The following GREB1L variants were observed in gnomAD, a reference collection of about 807,000 sequenced individuals.
GREB1L encodes the protein GREB1-like protein.
GREB1L carries 17 observed loss-of-function variants against 200.8 expected under a neutral mutation model. The observed-to-expected ratio is 0.08, with a 90% CI of 0.06 to 0.13. The LOEUF is 0.13. Among genes scored for constraint, GREB1L ranks in the 10% least tolerant of loss-of-function variants. The probability of loss-of-function intolerance (pLI) is 1.00; values close to 1 mark genes in which losing one functional copy is unlikely to be tolerated. For synonymous variants in GREB1L, 789 were observed against 893.0 expected, an observed-to-expected ratio of 0.88 and a Z score of 2.08; for missense variants, 1,657 against 2,367.7, an observed-to-expected ratio of 0.70 and a Z score of 6.23.
intron 7 of GREB1L, among the ~76,000 whole-genome samples, chr18:21,427,465 A>G (rs1391535767): frequency 1.1e-4 from 17 of 151,878 alleles, no homozygotes; most frequent in Admixed American, 1.1e-3. Context: ...TGATCATGCC[A>G]CTACACTCCA....
rs1421895682 is a variant in GREB1L at position 21,451,088 on chromosome 18, A to G, written c.1786A>G (p.Ser596Gly). The change falls in exon 13 of 33, where the codon AGT (serine) becomes GGT (glycine). Residue 596 changes from serine to glycine, a missense_variant. Ser to Gly is a moderately conservative substitution (Grantham distance 56). This residue lies in a region of GREB1L where 239 missense variants were observed against 421.8 expected (regional missense o/e 0.57). Coordinates refer to ENST00000424526, the MANE Select transcript of GREB1L (RefSeq NM_001142966.3). Reference protein sequence around the residue: ...LTTSEFLKEISYELITGKVSF... With the variant: ...LTTSEFLKEIGYELITGKVSF... ...CACAAGTGAGTTTTTGAAAGAAATT[A>G]GTTATGAGCTTATCACAGGAAAGGT... The G allele has an allele frequency of 6.4e-7, 1 of 1,551,810 alleles. No homozygotes were observed. The highest frequency in any genetic ancestry group is 8.7e-7 in the Non-Finnish European group (1 of 1,146,924).
chr18:21,482,128 G>A lies in GREB1L; in HGVS notation c.2557-3492G>A, dbSNP rs145003121. 1.2e-3 allele frequency among the ~76,000 whole-genome samples: 188 copies of A among 152,344 alleles called. 1 individual carries two copies. Among genetic ancestry groups the A allele is most frequent in the East Asian group, 9.6e-3 (50 of 5,190 alleles). ...AACAAATACATGAATTAGAATGATG[G>A]TCCTGGTAGTAAAATGGATGGGAGA... is the stretch of plus-strand genomic sequence containing the variant. On this transcript the variant is annotated intron_variant, in intron 17 of 32. Coordinates refer to ENST00000424526, the MANE Select transcript of GREB1L (RefSeq NM_001142966.3).
At chr18:21,420,143 C>T (rs537189112) in intron 7 of GREB1L, among the ~76,000 whole-genome samples, 2 of 152,074 alleles carry the variant, frequency 1.3e-5, no homozygotes, top group Admixed American at 6.6e-5. Context: ...GAGGCCGAGG[C>T]GGGCAGATCA....
chr18:21,413,394 C>T (rs1180748719), intron 7 of GREB1L, among the ~76,000 whole-genome samples: 1 of 152,188 alleles, frequency 6.6e-6, no homozygotes, highest in Middle Eastern at 3.2e-3. Flanking sequence ...GCACTTACTT[C>T]CCCCTTCCCT....
intron 27 of GREB1L, among the ~76,000 whole-genome samples, chr18:21,513,588 C>T (rs560614778): frequency 2.8e-4 from 42 of 152,204 alleles, no homozygotes; most frequent in Non-Finnish European, 5.9e-4. Context: ...GGCCCTTACA[C>T]CATACCGACT....
At chr18:21,382,527 T>C (rs900458991) in intron 2 of GREB1L, among the ~76,000 whole-genome samples, 2 of 151,072 alleles carry the variant, frequency 1.3e-5, no homozygotes, top group Non-Finnish European at 3.0e-5. Context: ...GTTTTGCTCT[T>C]GTCGCCCAGG....
chr18:21,500,260 C>T lies in GREB1L; in HGVS notation c.3923C>T (p.Thr1308Ile). The change falls in exon 22 of 33, where the codon ACC becomes ATC. Residue 1308 changes from threonine to isoleucine, a missense_variant. Physicochemically the swap from Thr to Ile is moderately conservative, Grantham distance 89. This residue lies in a region of GREB1L where 512 missense variants were observed against 668.3 expected (regional missense o/e 0.77). Transcript: ENST00000424526. ...YSNQLDPASG[T>I]RNFHPRRLLL... ...AACCAGCTGGACCCGGCCTCTGGCA[C>T]CCGAAACTTCCACCCCCGACGGCTC... is the stretch of plus-strand genomic sequence containing the variant. The T allele has an allele frequency of 6.8e-7, 1 of 1,470,702 alleles. No individual in the cohort carries two copies. Among genetic ancestry groups the T allele is most frequent in the Non-Finnish European group, 9.2e-7 (1 of 1,084,664 alleles). The allele number at this position is 1,470,702 out of a possible 1,614,324, so 91.1% of individuals were successfully genotyped here.
chr18:21,336,703 C>T (rs1317396809), intron 1 of GREB1L, among the ~76,000 whole-genome samples: 2 of 152,154 alleles, frequency 1.3e-5, no homozygotes, highest in Non-Finnish European at 2.9e-5. Context: ...TGATCTATTT[C>T]CCTTTCTGGC....
At chr18:21,454,638 T>A in intron 15 of GREB1L, 75 bp downstream of exon 15, 1 of 1,111,186 alleles carries the variant, frequency 9.0e-7, no homozygotes. Flanking sequence ...TTTTGCTTAA[T>A]CCAAACGTCT....
chr18:21,383,376 C>G (rs1317451583), intron 2 of GREB1L, 134 bp from the exon 3 acceptor site: 2 of 657,646 alleles, frequency 3.0e-6, no homozygotes, highest in African/African-American at 3.8e-5. Flanking sequence ...CTTAAGATCT[C>G]TGGGTAGTTC....
At chr18:21,251,643 G>A (rs2037706361) in intron 1 of GREB1L, among the ~76,000 whole-genome samples, 1 of 152,106 alleles carries the variant, frequency 6.6e-6, no homozygotes, top group South Asian at 2.1e-4. Context: ...TGTACCATAT[G>A]CAAATAAAAG....
At chr18:21,284,356 C>G (rs1233655204) in intron 1 of GREB1L, among the ~76,000 whole-genome samples, 1 of 152,158 alleles carries the variant, frequency 6.6e-6, no homozygotes, top group Non-Finnish European at 1.5e-5. Context: ...TCCCCTAGTC[C>G]TAGAGAATCA....
chr18:21,470,207 G>C (rs1275237935), intron 15 of GREB1L, among the ~76,000 whole-genome samples: 1 of 152,068 alleles, frequency 6.6e-6, no homozygotes, highest in Non-Finnish European at 1.5e-5. Flanking sequence ...AGGATAGCTT[G>C]AGCCCAGTAG....
intron 1 of GREB1L, among the ~76,000 whole-genome samples, chr18:21,252,446 A>G (rs756503763): frequency 7.3e-5 from 11 of 151,326 alleles, no homozygotes; most frequent in African/African-American, 2.4e-4. Flanking sequence ...AATCCCAGCT[A>G]CTCGGGAGGC....
chr18:21,337,879 C>G (rs781504325), intron 1 of GREB1L, among the ~76,000 whole-genome samples: 1 of 151,722 alleles, frequency 6.6e-6, no homozygotes. Context: ...CCCAGCTACT[C>G]GGGAGGCTGA....
rs551280744 is a variant in GREB1L, at chr18:21,353,182, A to G, written c.-119-12845A>G. On this transcript the variant is annotated intron_variant, in intron 1 of 32. Coordinates refer to ENST00000424526, the MANE Select transcript of GREB1L (RefSeq NM_001142966.3). ...AGGTGACAAAGTGAGACTCTGTCTC[A>G]AAAAAAAAAAAAGAAGAAAGAAATG... is the stretch of plus-strand genomic sequence containing the variant. Among the ~76,000 whole-genome samples, 541 of 142,984 alleles carry G rather than the reference A, an allele frequency of 3.8e-3. 3 individuals are homozygous for G. The highest frequency in any genetic ancestry group is 6.2e-3 in the Non-Finnish European group (403 of 64,984). 93.8% of individuals were successfully genotyped at this position (142,984 alleles called of 152,430 possible).
intron 1 of GREB1L, among the ~76,000 whole-genome samples, chr18:21,305,199 C>T (rs1393062525): frequency 6.6e-6 from 1 of 152,176 alleles, no homozygotes; most frequent in Non-Finnish European, 1.5e-5. Flanking sequence ...TGGTCTCGAT[C>T]TCTTGACCTC....
intron 7 of GREB1L, among the ~76,000 whole-genome samples, chr18:21,407,739 A>G (rs1164623961): frequency 6.6e-6 from 1 of 152,238 alleles, no homozygotes; most frequent in Admixed American, 6.5e-5. Flanking sequence ...AATTTTAAGG[A>G]TAAAGAAAAT....
intron 1 of GREB1L, among the ~76,000 whole-genome samples, chr18:21,340,097 A>G (rs1015959652): frequency 1.3e-5 from 2 of 152,170 alleles, no homozygotes; most frequent in African/African-American, 4.8e-5. Context: ...TGGTCCCACT[A>G]CCACAACCCC....
Sources: gnomAD v4.1 joint callset for allele counts (sites outside exome capture counted in the v4.1 genomes callset) on GRCh38, gnomAD v4.1.1 for gene constraint, gnomAD v4.1.1 regional missense constraint, MANE v1.5 for transcripts, NCBI Gene and HGNC (gene_info 2026-07-23, HGNC 2026-07-21) for gene names.